ZNF423: variants seen among roughly 807,000 people sequenced by gnomAD.
The protein encoded by ZNF423 is zinc finger protein 423, also known as Ebf-associated zinc finger protein.
In ZNF423, 12 loss-of-function variants were observed where a neutral mutation model predicts 95.8. That is an observed-to-expected ratio of 0.13 (90% CI 0.08 to 0.20). ZNF423 has a LOEUF of 0.20. Ranked by LOEUF, ZNF423 falls within the 10% of genes least tolerant of loss-of-function variation. The pLI is 1.00. For missense variants in ZNF423, 1,316 were observed against 1,737.1 expected (o/e 0.76, Z 4.31); for synonymous variants, 749 against 711.9 (o/e 1.05, Z -0.83).
At position 49,743,859 on chromosome 16, in the gene ZNF423, G is replaced by A. The variant is rs1425176577; in HGVS notation, c.101-12888C>T. On this transcript the variant is annotated intron_variant, in intron 2 of 7. Transcript: ENST00000563137. ...AGTTGCCAGGCATGGAGACAGCCTG[G>A]TGCGCAGCCACGTTCCAGGGAATAC... Among the ~76,000 whole-genome samples the A allele has an allele frequency of 3.3e-5, 5 of 152,184 alleles. No individual in the cohort carries two copies. In the East Asian group the frequency reaches 9.6e-4, roughly 29 times the overall value.
intron 2 of ZNF423, among the ~76,000 whole-genome samples, chr16:49,740,674 G>A (rs937735991): frequency 1.3e-5 from 2 of 152,212 alleles, no homozygotes; most frequent in African/African-American, 4.8e-5. Context: ...CTGTGGCTCT[G>A]TGGATGGAAT....
intron 3 of ZNF423, among the ~76,000 whole-genome samples, chr16:49,710,310 C>T (rs1159521596): frequency 6.6e-6 from 1 of 152,200 alleles, no homozygotes; most frequent in Non-Finnish European, 1.5e-5. Context: ...CCATAGTTGG[C>T]CTATCCTTCC....
intron 7 of ZNF423, among the ~76,000 whole-genome samples, chr16:49,491,686 GA>G (rs1263072780): frequency 6.6e-6 from 1 of 151,974 alleles, no homozygotes; most frequent in East Asian, 1.9e-4. Flanking sequence ...CTCTAATGAA[GA>G]GGAGGAAACT....
intron 2 of ZNF423, among the ~76,000 whole-genome samples, chr16:49,779,479 C>G (rs969065291): frequency 1.4e-4 from 21 of 152,112 alleles, no homozygotes; most frequent in African/African-American, 4.6e-4. Context: ...CTACCCAGAC[C>G]TGCTGAGTCA....
intron 1 of ZNF423, among the ~76,000 whole-genome samples, chr16:49,807,885 G>A (rs2034689983): frequency 6.6e-6 from 1 of 152,268 alleles, no homozygotes; most frequent in East Asian, 1.9e-4. Flanking sequence ...GGGCTGGCAG[G>A]GACCTCCCCA....
At chr16:49,570,756 C>T (rs550001970) in intron 5 of ZNF423, among the ~76,000 whole-genome samples, 21 of 152,336 alleles carry the variant, frequency 1.4e-4, no homozygotes, top group Admixed American at 7.2e-4. Context: ...CTGGACCAGA[C>T]GGCTCTGGAG....
At chr16:49,642,801 C>CTTTTT (rs55662710) in intron 3 of ZNF423, among the ~76,000 whole-genome samples, 87 of 91,310 alleles carry the variant, frequency 9.5e-4, no homozygotes, top group Non-Finnish European at 1.5e-3. Flanking sequence ...GTTCTCTTTT[C>CTTTTT]TTTTTTTTTT....
chr16:49,631,621 G>GC (rs1254755353), intron 4 of ZNF423, among the ~76,000 whole-genome samples: 4 of 152,190 alleles, frequency 2.6e-5, no homozygotes, highest in African/African-American at 7.2e-5. Context: ...GCAGAGGGGG[G>GC]CCCCGGGCAG....
intron 1 of ZNF423, among the ~76,000 whole-genome samples, chr16:49,834,988 G>A (rs965526581): frequency 6.6e-6 from 1 of 151,848 alleles, no homozygotes; most frequent in Non-Finnish European, 1.5e-5. Context: ...AGTGCGCCTT[G>A]GGGGGCCAGG....
chr16:49,742,504 G>C (rs2143502476), intron 2 of ZNF423, among the ~76,000 whole-genome samples: 1 of 152,288 alleles, frequency 6.6e-6, no homozygotes, highest in South Asian at 2.1e-4. Flanking sequence ...AGAACAGTCA[G>C]ACAAAGCCAC....
At chr16:49,595,099 G>A (rs75142807) in intron 5 of ZNF423, among the ~76,000 whole-genome samples, 4,800 of 152,294 alleles carry the variant, frequency 0.032, 117 homozygotes, top group South Asian at 0.091. Context: ...CACGATCTGC[G>A]TCACAGCTAA....
At chr16:49,718,086 T>G (rs1045750778) in intron 3 of ZNF423, among the ~76,000 whole-genome samples, 2 of 152,054 alleles carry the variant, frequency 1.3e-5, no homozygotes, top group Non-Finnish European at 2.9e-5. Context: ...CACCCAGTGT[T>G]TTGCTCACCC....
At chr16:49,693,852 G>A (rs1345383857) in intron 3 of ZNF423, among the ~76,000 whole-genome samples, 3 of 152,170 alleles carry the variant, frequency 2.0e-5, no homozygotes, top group East Asian at 1.9e-4. Context: ...CTAAGGATCC[G>A]GCCAGGCCTG....
rs1270012504 is a variant in ZNF423, at chr16:49,579,070, G to A, written c.3601+47100C>T. Among the ~76,000 whole-genome samples, 3 of 152,160 alleles carry A rather than the reference G, an allele frequency of 2.0e-5. No individual in the cohort carries two copies. The East Asian group carries it at 5.8e-4, about 29-fold the overall frequency. On this transcript the variant is annotated intron_variant, in intron 5 of 7. Coordinates refer to ENST00000563137, the MANE Select transcript of ZNF423 (RefSeq NM_001379286.1). ...TCCTCCATGTTCCCCAGGATGCAGA[G>A]GGTGGGAGAGACACAGATGGATGGA...
intron 3 of ZNF423, among the ~76,000 whole-genome samples, chr16:49,671,977 G>A (rs541665485): frequency 7.2e-5 from 11 of 152,054 alleles, no homozygotes; most frequent in African/African-American, 2.4e-4. Context: ...GAGCCACCGC[G>A]CTCAGCCCAC....
chr16:49,591,612 A>G (rs1211140396), intron 5 of ZNF423, among the ~76,000 whole-genome samples: 2 of 152,256 alleles, frequency 1.3e-5, no homozygotes, highest in Admixed American at 1.3e-4. Flanking sequence ...CTGCAAACTA[A>G]ACACAAATGT....
At chr16:49,787,679 T>A (rs2034338241) in intron 2 of ZNF423, among the ~76,000 whole-genome samples, 1 of 152,174 alleles carries the variant, frequency 6.6e-6, no homozygotes, top group Non-Finnish European at 1.5e-5. Flanking sequence ...GCCTAGGGGA[T>A]GCAGCTGGGG....
rs1966868173 is a variant in ZNF423 at position 49,487,563 on chromosome 16, A to G, written c.*3712T>C. 6.6e-6 allele frequency: 1 copy of G among 152,184 alleles called. No individual in the cohort carries two copies. Among genetic ancestry groups the G allele is most frequent in the Non-Finnish European group, 1.5e-5 (1 of 68,036 alleles). 9.4% of individuals were successfully genotyped at this position (152,184 alleles called of 1,614,324 possible). ...CAATTTCACTTTATTCATCGTTGTC[A>G]TCATGATTGTTATAATAAAATTAAC... is the stretch of plus-strand genomic sequence containing the variant. On this transcript the variant is annotated 3_prime_UTR_variant, in exon 8 of 8. Transcript: ENST00000563137.
chr16:49,669,720 C>T (rs1450783408), intron 3 of ZNF423, among the ~76,000 whole-genome samples: 14 of 152,180 alleles, frequency 9.2e-5, no homozygotes, highest in South Asian at 4.2e-4. Context: ...TGCACCCCCT[C>T]ACCATCCAGG....
Sources: allele counts gnomAD v4.1 joint callset (sites outside exome capture counted in the v4.1 genomes callset), GRCh38; gene constraint gnomAD v4.1.1; transcripts MANE v1.5; gene names NCBI Gene and HGNC (gene_info 2026-07-23, HGNC 2026-07-21).